Variants in ROBO2 observed in about 807,000 individuals in gnomAD.
ROBO2 encodes the protein roundabout guidance receptor 2.
ROBO2 carries 53 observed loss-of-function variants against 160.8 expected under a neutral mutation model. The observed-to-expected ratio is 0.33, with a 90% CI of 0.26 to 0.41. The LOEUF is 0.41. ROBO2 is among the 10% of genes least tolerant of loss of function. The probability of loss-of-function intolerance (pLI) is 1.00; values close to 1 mark genes in which losing one functional copy is unlikely to be tolerated. For missense variants in ROBO2, 1,577 were observed against 1,722.4 expected (o/e 0.92, Z 1.49); for synonymous variants, 664 against 611.7 (o/e 1.09, Z -1.26).
At chr3:75,938,933 C>T (rs1408681590) in intron 2 of ROBO2, among the ~76,000 whole-genome samples, 1 of 152,072 alleles carries the variant, frequency 6.6e-6, no homozygotes, top group Non-Finnish European at 1.5e-5. Context: ...ATTTAATACA[C>T]ATAGTAGTTT....
chr3:76,418,682 CTT>C (rs35804382), intron 2 of ROBO2, among the ~76,000 whole-genome samples: 23 of 137,886 alleles, frequency 1.7e-4, no homozygotes, highest in Non-Finnish European at 1.7e-4. Context: ...TTCAACCTGC[CTT>C]TTTTTTTTTT....
At position 76,044,032 on chromosome 3, in the gene ROBO2, TG is replaced by T. The variant is rs2067369087; in HGVS notation, c.109+106431del. Among the ~76,000 whole-genome samples the T allele has an allele frequency of 2.6e-5, 4 of 152,142 alleles. No homozygotes were observed. The South Asian group carries it at 8.3e-4, about 32-fold the overall frequency. ...TAATACCCTTTTGTTGGTGCTAATT[TG>T]TAAGTGACCATTGTATACACCACAG... On this transcript the variant is annotated intron_variant, in intron 2 of 26. Coordinates refer to the ROBO2 transcript ENST00000487694.
intron 5 of ROBO2, among the ~76,000 whole-genome samples, chr3:77,521,876 C>A (rs2090632541): frequency 6.6e-6 from 1 of 150,964 alleles, no homozygotes; most frequent in Non-Finnish European, 1.5e-5. Context: ...CAGACACAAC[C>A]AATTAAAATG....
rs1461735124 is a variant in ROBO2 at position 77,602,506 on chromosome 3, T to C, written c.3136+15T>C. 3.1e-6 allele frequency: 5 copies of C among 1,613,760 alleles called. No homozygotes were observed. Reference sequence around the variant, plus strand: ...AGGTAACAATGGTGAGTCAGGTTCTTGTGTCCTGAGGAGGTATTTTCATAT... The same window carrying C: ...AGGTAACAATGGTGAGTCAGGTTCTCGTGTCCTGAGGAGGTATTTTCATAT... On this transcript the variant is annotated intron_variant, in intron 20 of 25. Coordinates refer to ENST00000461745, the Ensembl canonical transcript of ROBO2.
chr3:75,964,930 C>T (rs1023066839), intron 2 of ROBO2: 1 of 139,418 alleles, frequency 7.2e-6, no homozygotes, highest in African/African-American at 2.6e-5. Flanking sequence ...AGTGGTTGTA[C>T]TATTATCCAA....
At chr3:76,130,756 C>T (rs111862106) in intron 2 of ROBO2, among the ~76,000 whole-genome samples, 14 of 152,056 alleles carry the variant, frequency 9.2e-5, no homozygotes, top group Admixed American at 3.3e-4. Context: ...AATTCATGTT[C>T]TAAAAAAATT....
At chr3:76,844,648 TTAAA>T (rs2068615470) in intron 2 of ROBO2, among the ~76,000 whole-genome samples, 2 of 151,950 alleles carry the variant, frequency 1.3e-5, no homozygotes, top group Admixed American at 1.3e-4. Flanking sequence ...AGGGTTCTCT[TTAAA>T]TATATTTTAT....
intron 2 of ROBO2, among the ~76,000 whole-genome samples, chr3:76,609,134 T>C (rs1055570632): frequency 6.6e-6 from 1 of 152,208 alleles, no homozygotes; most frequent in African/African-American, 2.4e-5. Flanking sequence ...CCCCAGTGCA[T>C]GTTCTTGGCA....
chr3:75,972,268 C>T (rs889176336), intron 2 of ROBO2, among the ~76,000 whole-genome samples: 1 of 151,008 alleles, frequency 6.6e-6, no homozygotes, highest in African/African-American at 2.4e-5. Flanking sequence ...TGTGAAATAC[C>T]ACAAAATAGT....
At chr3:76,583,022 AAAGC>A (rs2085801412) in intron 2 of ROBO2, among the ~76,000 whole-genome samples, 1 of 151,944 alleles carries the variant, frequency 6.6e-6, no homozygotes, top group Non-Finnish European at 1.5e-5. Context: ...AAAAAAAAAA[AAAGC>A]AAGAGAGAAA....
At chr3:77,110,753 G>A (rs918896711) in intron 2 of ROBO2, among the ~76,000 whole-genome samples, 1 of 151,694 alleles carries the variant, frequency 6.6e-6, no homozygotes. Flanking sequence ...GAGTGCAGTG[G>A]CGTGATCACA....
chr3:76,668,152 T>G (rs1200776587), intron 2 of ROBO2, among the ~76,000 whole-genome samples: 1 of 151,990 alleles, frequency 6.6e-6, no homozygotes, highest in Non-Finnish European at 1.5e-5. Context: ...CAGACTGGAG[T>G]GTAGCGGCCC....
chr3:77,138,337 C>T (rs990905236), intron 2 of ROBO2, among the ~76,000 whole-genome samples: 1 of 152,146 alleles, frequency 6.6e-6, no homozygotes, highest in Non-Finnish European at 1.5e-5. Flanking sequence ...ATAATTTCCA[C>T]CACACGTTGT....
chr3:76,590,433 G>C (rs1375454355), intron 2 of ROBO2, among the ~76,000 whole-genome samples: 1 of 151,962 alleles, frequency 6.6e-6, no homozygotes, highest in African/African-American at 2.4e-5. Context: ...CATGAAATTG[G>C]CATGCATAAT....
At chr3:76,110,449 T>C (rs1279699841) in intron 2 of ROBO2, among the ~76,000 whole-genome samples, 1 of 152,148 alleles carries the variant, frequency 6.6e-6, no homozygotes, top group Admixed American at 6.6e-5. Context: ...CTAATTATTG[T>C]TTAGCACATA....
intron 1 of ROBO2, among the ~76,000 whole-genome samples, chr3:77,055,803 T>A (rs185316543): frequency 6.6e-6 from 1 of 152,200 alleles, no homozygotes; most frequent in African/African-American, 2.4e-5. Flanking sequence ...GATTTCTTAC[T>A]TTTTCGCTTC....
intron 2 of ROBO2, among the ~76,000 whole-genome samples, chr3:76,272,844 A>AT: frequency 2.2e-4 from 1 of 4,634 alleles, no homozygotes; most frequent in Non-Finnish European, 7.4e-4. Context: ...TATATATTAT[A>AT]TATTATATAT....
chr3:76,279,519 A>G (rs1033705829), intron 2 of ROBO2, among the ~76,000 whole-genome samples: 2 of 151,998 alleles, frequency 1.3e-5, no homozygotes, highest in African/African-American at 4.8e-5. Context: ...ATAATCTTAT[A>G]TAGTTATCAA....
chr3:76,173,698 T>C (rs180736968), intron 2 of ROBO2, among the ~76,000 whole-genome samples: 1 of 152,214 alleles, frequency 6.6e-6, no homozygotes, highest in African/African-American at 2.4e-5. Flanking sequence ...GAGCTCATTC[T>C]TTTTTTATGG....
Sources: allele counts gnomAD v4.1 joint callset (sites outside exome capture counted in the v4.1 genomes callset), GRCh38; gene constraint gnomAD v4.1.1; transcripts MANE v1.5; gene names NCBI Gene and HGNC (gene_info 2026-07-23, HGNC 2026-07-21).